ORC3: variants seen among roughly 807,000 people sequenced by gnomAD.
The protein encoded by ORC3 is origin recognition complex subunit 3.
Under a neutral mutation model 100.7 loss-of-function variants are expected in ORC3, and 78 were observed. That is an observed-to-expected ratio of 0.77 (90% CI 0.65 to 0.94). ORC3 has a LOEUF of 0.94. Ranked by LOEUF, ORC3 falls within the 40% of genes least tolerant of loss-of-function variation. The probability of loss-of-function intolerance (pLI) is 0.00; values close to 1 mark genes in which losing one functional copy is unlikely to be tolerated. For synonymous variants in ORC3, 295 were observed against 289.3 expected (o/e 1.02, Z -0.20); for missense variants, 789 against 823.9 (o/e 0.96, Z 0.52).
chr6:87,599,352 TTA>T (rs1491087030), intron 2 of ORC3, among the ~76,000 whole-genome samples: 12 of 137,566 alleles, frequency 8.7e-5, no homozygotes, highest in South Asian at 4.7e-4. Context: ...TCTCTTTTTT[TTA>T]TTATTTATTT....
intron 13 of ORC3, among the ~76,000 whole-genome samples, chr6:87,649,000 G>A (rs974774593): frequency 6.6e-5 from 10 of 151,966 alleles, no homozygotes; most frequent in African/African-American, 2.4e-4. Context: ...GTACCAGTGT[G>A]TATTTCCCTA....
the ORC3 span, chr6:87,675,372 G>T: frequency 1.8e-6 from 1 of 556,434 alleles, no homozygotes. Flanking sequence ...GCAAAATGAG[G>T]CCACTGGTAT....
intron 13 of ORC3, 89 bp from the exon 14 acceptor site, chr6:87,653,027 G>A: frequency 9.9e-7 from 1 of 1,014,824 alleles, no homozygotes; most frequent in Non-Finnish European, 1.4e-6. Context: ...CTTCTGAGCG[G>A]AAACATTTAA....
downstream of ORC3, among the ~76,000 whole-genome samples, chr6:87,670,719 C>T (rs1326361306): frequency 6.6e-6 from 1 of 152,124 alleles, no homozygotes; most frequent in African/African-American, 2.4e-5. Context: ...GGGTGAAATA[C>T]ATTCAAAAAG....
chr6:87,653,143 C>T lies in ORC3; in HGVS notation c.1410C>T (p.Thr470=). 6.2e-7 allele frequency: 1 copy of T among 1,613,260 alleles called. No homozygotes were observed. The highest frequency in any genetic ancestry group is 8.5e-7 in the Non-Finnish European group (1 of 1,179,304). The change falls in exon 14 of 20, where the codon ACC becomes ACT. Residue 470 remains threonine, a synonymous_variant. Transcript: ENST00000392844. ...LRMLAKDELM[T]ILEKCFKVFK... is the part of the protein sequence containing the mutation. ...TGTTGGCAAAGGATGAACTGATGAC[C>T]ATACTTGAGAAATGTTTCAAGGTTT...
intron 1 of ORC3, among the ~76,000 whole-genome samples, chr6:87,591,842 C>T (rs893686289): frequency 6.6e-6 from 1 of 152,080 alleles, no homozygotes; most frequent in Non-Finnish European, 1.5e-5. Flanking sequence ...AGCTATTCTC[C>T]CACCTCAGCC....
At chr6:87,593,096 A>C (rs1055197489) in intron 1 of ORC3, among the ~76,000 whole-genome samples, 12 of 152,314 alleles carry the variant, frequency 7.9e-5, no homozygotes, top group Non-Finnish European at 1.3e-4. Flanking sequence ...CTGTCTCAAA[A>C]AAACAAACAA....
At chr6:87,603,282 T>A (rs1778099806) in intron 3 of ORC3, 102 bp from the exon 4 acceptor site, 2 of 587,056 alleles carry the variant, frequency 3.4e-6, no homozygotes, top group Non-Finnish European at 5.5e-6. Context: ...CATCTTTTGA[T>A]CATTTTACAT....
At chr6:87,617,343 C>A (rs538465010) in intron 9 of ORC3, among the ~76,000 whole-genome samples, 1 of 152,222 alleles carries the variant, frequency 6.6e-6, no homozygotes, top group South Asian at 2.1e-4. Flanking sequence ...AAAAGATCCC[C>A]ATTCTCCAGT....
At chr6:87,602,467 C>CT (rs55807123) in intron 3 of ORC3, among the ~76,000 whole-genome samples, 5,038 of 138,978 alleles carry the variant, frequency 0.036, 111 homozygotes, top group Middle Eastern at 0.055. Context: ...AGGCTGACAA[C>CT]TTTTTTTTTT....
At chr6:87,664,938 T>C in intron 18 of ORC3, 79 bp downstream of exon 18, 1 of 813,282 alleles carries the variant, frequency 1.2e-6, no homozygotes, top group Non-Finnish European at 2.0e-6. Flanking sequence ...TTTATACTTT[T>C]AGTGCTTTGG....
intron 2 of ORC3, among the ~76,000 whole-genome samples, chr6:87,600,023 G>A (rs1004201463): frequency 1.3e-5 from 2 of 151,922 alleles, no homozygotes; most frequent in Admixed American, 1.3e-4. Context: ...TTTTTTGTTG[G>A]CATTTTAATT....
chr6:87,600,674 A>G lies in ORC3; in HGVS notation c.80-1110A>G, dbSNP rs528636410. Among the ~76,000 whole-genome samples, 3 of 152,334 alleles carry G rather than the reference A, an allele frequency of 2.0e-5. No homozygotes were observed. The South Asian group carries it at 6.2e-4, about 32-fold the overall frequency. ...AGTTCAAACATAGTTCAAAGTATAT[A>G]TAAGTATTTAGACTATAAGGGCATG... is the stretch of plus-strand genomic sequence containing the variant. On this transcript the variant is annotated intron_variant, in intron 2 of 19. Transcript: ENST00000392844.
Position 87,603,503 on chromosome 6 carries a change from A to G in ORC3, c.297A>G (p.Glu99=). ...RDLGGQIKLR[E]IPTAALVLGV... ...TGGGCGGTCAAATAAAACTCAGAGAAATTCCAACTGCTGCTCTTGTTCTTG... is the reference window on the plus strand; with the variant it reads ...TGGGCGGTCAAATAAAACTCAGAGAGATTCCAACTGCTGCTCTTGTTCTTG... Residue 99 remains glutamate (E), a synonymous_variant, in exon 4 of 20, where the codon GAA becomes GAG. Coordinates refer to ENST00000392844, the MANE Select transcript of ORC3 (RefSeq NM_012381.4). 6.6e-7 allele frequency: 1 copy of G among 1,523,432 alleles called. No homozygotes were observed. Among genetic ancestry groups the G allele is most frequent in the Non-Finnish European group, 9.0e-7 (1 of 1,116,596 alleles). The allele number at this position is 1,523,432 out of a possible 1,614,324, so 94.4% of individuals were successfully genotyped here.
At chr6:87,607,050 T>A (rs1015823316) in intron 5 of ORC3, among the ~76,000 whole-genome samples, 5 of 152,224 alleles carry the variant, frequency 3.3e-5, no homozygotes, top group African/African-American at 1.2e-4. Flanking sequence ...AAACTGTTTA[T>A]TTTCCTATGT....
chr6:87,590,269 C>G, intron 1 of ORC3, 77 bp downstream of exon 1: 1 of 1,446,488 alleles, frequency 6.9e-7, no homozygotes, highest in South Asian at 1.1e-5. Flanking sequence ...GCCGAGGTTA[C>G]GTAGGCATCC....
At chr6:87,640,633 G>A (rs1382574608) in intron 13 of ORC3, among the ~76,000 whole-genome samples, 1 of 152,128 alleles carries the variant, frequency 6.6e-6, no homozygotes, top group African/African-American at 2.4e-5. Flanking sequence ...AGTGAGCTAG[G>A]TAAGTACAAC....
chr6:87,602,200 C>G (rs1777955061), intron 3 of ORC3, among the ~76,000 whole-genome samples: 1 of 152,140 alleles, frequency 6.6e-6, no homozygotes, highest in Non-Finnish European at 1.5e-5. Flanking sequence ...CCACGGCACT[C>G]CAGCCTGGGC....
rs144068270 is a variant in ORC3 at position 87,624,410 on chromosome 6, G to A, written c.1185+2397G>A. The stretch of plus-strand genomic sequence containing the variant: ...GAGGCAGGAGAATCACTTGAACCTG[G>A]GAGGTGGAGGTTGCAGTGAGCCAAG... On this transcript the variant is annotated intron_variant, in intron 11 of 19. Transcript: ENST00000392844. 7.2e-5 allele frequency among the ~76,000 whole-genome samples: 11 copies of A among 152,226 alleles called. No homozygotes were observed. In the South Asian group the frequency reaches 1.5e-3, roughly 20 times the overall value.
Sources: allele counts gnomAD v4.1 joint callset (sites outside exome capture counted in the v4.1 genomes callset), GRCh38; gene constraint gnomAD v4.1.1; transcripts MANE v1.5; gene names NCBI Gene and HGNC (gene_info 2026-07-23, HGNC 2026-07-21).